MSR1: variants seen among roughly 807,000 people sequenced by gnomAD.
MSR1 encodes macrophage scavenger receptor types I and II.
A neutral mutation model predicts 47.2 loss-of-function variants in MSR1; 53 were observed. That is an observed-to-expected ratio of 1.12 (90% confidence interval 0.90 to 1.41). The LOEUF (loss-of-function observed/expected upper bound fraction) is 1.41, where lower values mean the gene tolerates loss of function less well. Ranked by LOEUF, MSR1 falls within the 40% of genes most tolerant of loss-of-function variation. The pLI, the probability that MSR1 is intolerant of heterozygous loss-of-function variation, is 0.00. For missense variants in MSR1, 786 were observed against 546.9 expected, an observed-to-expected ratio of 1.44 and a Z score of -4.36; for synonymous variants, 239 against 185.6, an observed-to-expected ratio of 1.29 and a Z score of -2.34.
At position 16,164,164 on chromosome 8, in the gene MSR1, T is replaced by C; in HGVS notation, c.718A>G (p.Ile240Val). The C allele has an allele frequency of 1.2e-6, 2 of 1,612,222 alleles. No homozygotes were observed. Among genetic ancestry groups the C allele is most frequent in the African/African-American group, 1.3e-5 (1 of 74,996 alleles). ...TTCAGTACTTTCACTTCTCCTTTTA[T>C]TTCCTGTTCCAAATGCACTTGTTCT... is the stretch of plus-strand genomic sequence containing the variant. ...KEEQVHLEQE[I>V]KGEVKVLNNI... The change falls in exon 5 of 10, where the codon ATA becomes GTA. Residue 240 changes from isoleucine to valine, a missense_variant. Ile to Val is a conservative substitution (Grantham distance 29). Coordinates refer to ENST00000262101, the MANE Select transcript of MSR1 (RefSeq NM_138715.3).
rs909559998 is a variant in MSR1 at position 16,172,389 on chromosome 8, A to G, written c.217+2798T>C. On this transcript the variant is annotated intron_variant, in intron 3 of 9. Transcript: ENST00000262101. ...CTGTTTCATCGAACCCTGAGTGAAA[A>G]CTAATTTTTCTATAAAATGTTAACT... Among the ~76,000 whole-genome samples the G allele has an allele frequency of 2.6e-5, 4 of 152,286 alleles. No individual in the cohort carries two copies. In the East Asian group the frequency reaches 7.7e-4, roughly 29 times the overall value.
intron 8 of MSR1, among the ~76,000 whole-genome samples, chr8:16,138,871 A>G (rs1315692270): frequency 2.6e-5 from 4 of 152,312 alleles, no homozygotes; most frequent in South Asian, 2.1e-4. Flanking sequence ...AATGTCATGT[A>G]GGCATAAAAC....
intron 3 of MSR1, among the ~76,000 whole-genome samples, chr8:16,173,900 C>A (rs1052027130): frequency 1.3e-5 from 2 of 152,108 alleles, no homozygotes; most frequent in Non-Finnish European, 2.9e-5. Context: ...CTGCCCGCCT[C>A]GGCCTCCCAA....
At chr8:16,134,057 T>G (rs922519443) in intron 8 of MSR1, among the ~76,000 whole-genome samples, 1 of 152,144 alleles carries the variant, frequency 6.6e-6, no homozygotes, top group Non-Finnish European at 1.5e-5. Context: ...TATTTTCTTA[T>G]CCCTTTGTAA....
At chr8:16,146,452 A>T (rs1433404781) in intron 7 of MSR1, among the ~76,000 whole-genome samples, 5 of 152,064 alleles carry the variant, frequency 3.3e-5, no homozygotes, top group Non-Finnish European at 2.9e-5. Context: ...AGGCAGCTTG[A>T]GAGTTGAGTC....
chr8:16,117,792 G>A (rs187243988), intron 9 of MSR1, among the ~76,000 whole-genome samples: 1 of 152,150 alleles, frequency 6.6e-6, no homozygotes, highest in Admixed American at 6.5e-5. Context: ...TCTAGTTGCA[G>A]GAAACCAAGC....
chr8:16,160,414 A>G (rs533021845), intron 5 of MSR1, among the ~76,000 whole-genome samples: 1 of 152,186 alleles, frequency 6.6e-6, no homozygotes, highest in Admixed American at 6.6e-5. Flanking sequence ...TATTCACTCA[A>G]CACATATGTA....
At chr8:16,170,361 C>A (rs1321175637) in intron 3 of MSR1, among the ~76,000 whole-genome samples, 120 of 146,244 alleles carry the variant, frequency 8.2e-4, no homozygotes, top group African/African-American at 3.0e-3. Flanking sequence ...AAAAAAAAAA[C>A]AAAACATGAA....
At chr8:16,135,011 G>C (rs1779261420) in intron 8 of MSR1, among the ~76,000 whole-genome samples, 1 of 152,116 alleles carries the variant, frequency 6.6e-6, no homozygotes, top group South Asian at 2.1e-4. Flanking sequence ...GGTTCATAAG[G>C]TTTAAGGAAA....
At chr8:16,179,155 T>C (rs1455675456) in intron 1 of MSR1, among the ~76,000 whole-genome samples, 3 of 152,142 alleles carry the variant, frequency 2.0e-5, no homozygotes, top group Admixed American at 6.5e-5. Flanking sequence ...TTTTTACAGG[T>C]GACAGAAAAT....
intron 1 of MSR1, among the ~76,000 whole-genome samples, chr8:16,180,249 C>T (rs938721999): frequency 1.3e-5 from 2 of 151,806 alleles, no homozygotes. Context: ...GTCCTTGTAC[C>T]TTTTCCAGCA....
intron 3 of MSR1, among the ~76,000 whole-genome samples, chr8:16,171,840 C>T (rs527621502): frequency 1.9e-4 from 29 of 152,200 alleles, no homozygotes; most frequent in Admixed American, 1.2e-3. Flanking sequence ...TAAACTATGG[C>T]GTTGGACAAG....
At chr8:16,178,320 G>T (rs1046447832) in intron 1 of MSR1, among the ~76,000 whole-genome samples, 1 of 138,632 alleles carries the variant, frequency 7.2e-6, no homozygotes, top group African/African-American at 2.7e-5. Context: ...TGTTCTCATT[G>T]TTCAATTTCC....
chr8:16,136,927 T>G (rs1800405114), intron 8 of MSR1, among the ~76,000 whole-genome samples: 1 of 151,982 alleles, frequency 6.6e-6, no homozygotes, highest in Admixed American at 6.6e-5. Flanking sequence ...CTAAACACCA[T>G]GTAACTGTCA....
At chr8:16,126,507 A>C (rs1563141926) in intron 8 of MSR1, among the ~76,000 whole-genome samples, 2 of 152,176 alleles carry the variant, frequency 1.3e-5, no homozygotes. Context: ...AAGTTCTCAC[A>C]ACATGGCAAA....
chr8:16,189,585 T>G (rs1802125261), intron 1 of MSR1, among the ~76,000 whole-genome samples: 1 of 98,576 alleles, frequency 1.0e-5, no homozygotes, highest in African/African-American at 5.1e-5. Context: ...ATATATTTTA[T>G]ATATATTTTA....
At chr8:16,175,632 A>G (rs1011284594) in intron 2 of MSR1, among the ~76,000 whole-genome samples, 15 of 152,326 alleles carry the variant, frequency 9.8e-5, no homozygotes, top group East Asian at 5.8e-4. Flanking sequence ...ATTTTATTCA[A>G]TGTTCATATG....
In MSR1 at chr8:16,150,166, ATATAT is replaced by A. The variant is rs1800813592; in HGVS notation, c.979+60_979+64del. The A allele has an allele frequency of 1.4e-5, 4 of 288,374 alleles. No homozygotes were observed. The South Asian group carries it at 1.9e-4, about 14-fold the overall frequency. 17.9% of individuals were successfully genotyped at this position (288,374 alleles called of 1,614,324 possible). A position where few individuals can be genotyped will look rare whatever the true frequency, so the allele number is the denominator to read the frequency against. ...TATATATATATATATATATATATAT[ATATAT>A]AAAATTATCTGGTGTTTCTTCTACA... On this transcript the variant is annotated intron_variant, in intron 7 of 9. Coordinates refer to ENST00000262101, the MANE Select transcript of MSR1 (RefSeq NM_138715.3).
chr8:16,139,109 AT>A (rs747422183), intron 8 of MSR1, among the ~76,000 whole-genome samples: 3 of 152,122 alleles, frequency 2.0e-5, no homozygotes, highest in Non-Finnish European at 4.4e-5. Flanking sequence ...AAACTCATTG[AT>A]TTGCAATCTG....
Sources: allele counts gnomAD v4.1 joint callset (sites outside exome capture counted in the v4.1 genomes callset), GRCh38; gene constraint gnomAD v4.1.1; transcripts MANE v1.5; gene names NCBI Gene and HGNC (gene_info 2026-07-23, HGNC 2026-07-21).